YME1L1: variants seen among roughly 807,000 people sequenced by gnomAD.
The protein encoded by YME1L1 is ATP-dependent zinc metalloprotease YME1L1.
YME1L1 carries 39 observed loss-of-function variants against 90.4 expected under a neutral mutation model. The ratio of observed to expected loss-of-function variants is 0.43; its 90% CI spans 0.33 to 0.56. The LOEUF (loss-of-function observed/expected upper bound fraction) is 0.56, where lower values mean the gene tolerates loss of function less well. YME1L1 is among the 20% of genes least tolerant of loss of function. The pLI is 0.03. For synonymous variants in YME1L1, 284 were observed against 287.3 expected (o/e 0.99, Z 0.12); for missense variants, 617 against 868.4 (o/e 0.71, Z 3.64).
chr10:27,139,173 A>G (rs971108823), intron 4 of YME1L1, among the ~76,000 whole-genome samples: 1 of 152,108 alleles, frequency 6.6e-6, no homozygotes, highest in Non-Finnish European at 1.5e-5. Flanking sequence ...GTGTATATAC[A>G]TTCAGACACA....
chr10:27,138,474 C>T (rs2057052041), intron 4 of YME1L1, among the ~76,000 whole-genome samples: 1 of 152,066 alleles, frequency 6.6e-6, no homozygotes, highest in Admixed American at 6.6e-5. Context: ...TTATTTCACT[C>T]AGTTCCTCTT....
At chr10:27,146,610 C>A (rs961702654) in intron 2 of YME1L1, 3 of 152,156 alleles carry the variant, frequency 2.0e-5, no homozygotes, top group Non-Finnish European at 4.4e-5. Flanking sequence ...TATGCACCCG[C>A]AGCACCAGCT....
At chr10:27,153,599 G>A (rs1353743158) in intron 1 of YME1L1, among the ~76,000 whole-genome samples, 1 of 152,172 alleles carries the variant, frequency 6.6e-6, no homozygotes, top group African/African-American at 2.4e-5. Flanking sequence ...AAAACGATGA[G>A]GATGAGGCTG....
chr10:27,111,561 T>TA lies in YME1L1; in HGVS notation c.*415dup, dbSNP rs2056759114. 1 of 232,696 alleles carries TA rather than the reference T, an allele frequency of 4.3e-6. No homozygotes were observed. The highest frequency in any genetic ancestry group is 5.3e-5 in the Admixed American group (1 of 18,704). The allele number at this position is 232,696 out of a possible 1,614,324, so 14.4% of individuals were successfully genotyped here. A position where few individuals can be genotyped will look rare whatever the true frequency, so the allele number is the denominator to read the frequency against. ...AATCCCAACTTCTCTACATTTAGAT[T>TA]AAAAAATATTTTATTCATGGTCAAT... On this transcript the variant is annotated 3_prime_UTR_variant, in exon 19 of 19. Transcript: ENST00000376016.
At position 27,153,626 on chromosome 10, in the gene YME1L1, G is replaced by T. The variant is rs530720671; in HGVS notation, c.33+552C>A. 6.5e-4 allele frequency among the ~76,000 whole-genome samples: 99 copies of T among 152,248 alleles called. 1 individual carries two copies. Among genetic ancestry groups the T allele is most frequent in the African/African-American group, 2.2e-3 (92 of 41,542 alleles). ...ATGAGGCTGAATCAAAATTTTAACT[G>T]CAAACAGTTTACGACTCGGAAATAC... On this transcript the variant is annotated intron_variant, in intron 1 of 18. Transcript: ENST00000376016.
chr10:27,131,163 T>C (rs1013956894), intron 8 of YME1L1, among the ~76,000 whole-genome samples: 39 of 152,330 alleles, frequency 2.6e-4, no homozygotes, highest in African/African-American at 8.4e-4. Context: ...CATTTAAAAC[T>C]GTAAGCCTTC....
intron 6 of YME1L1, among the ~76,000 whole-genome samples, chr10:27,134,603 A>C (rs1406069589): frequency 6.6e-6 from 1 of 152,260 alleles, no homozygotes; most frequent in African/African-American, 2.4e-5. Flanking sequence ...AAAATAAAGA[A>C]ACAAAAACCT....
chr10:27,119,223 G>C, intron 14 of YME1L1, 71 bp downstream of exon 14: 2 of 1,424,706 alleles, frequency 1.4e-6, no homozygotes, highest in South Asian at 2.9e-5. Context: ...TTTGAATAGA[G>C]TATTTGCCCC....
At chr10:27,118,592 C>T (rs2056836757) in intron 14 of YME1L1, among the ~76,000 whole-genome samples, 1 of 152,168 alleles carries the variant, frequency 6.6e-6, no homozygotes, top group South Asian at 2.1e-4. Context: ...GCCCAGTCTA[C>T]AAAGTTTTTT....
intron 1 of YME1L1, 63 bp downstream of exon 1, chr10:27,154,115 G>T (rs1323775864): frequency 6.5e-7 from 1 of 1,548,168 alleles, no homozygotes; most frequent in African/African-American, 1.4e-5. Context: ...TTCCACGAGC[G>T]CAATTTGCAA....
At chr10:27,143,440 C>T (rs1325832269) in intron 3 of YME1L1, among the ~76,000 whole-genome samples, 1 of 151,870 alleles carries the variant, frequency 6.6e-6, no homozygotes, top group Non-Finnish European at 1.5e-5. Flanking sequence ...TGCCTCACGC[C>T]TGTAATCCCA....
intron 18 of YME1L1, 27 bp from the exon 19 acceptor site, chr10:27,112,147 C>T (rs945457269): frequency 6.3e-7 from 1 of 1,587,838 alleles, no homozygotes; most frequent in South Asian, 1.2e-5. Flanking sequence ...GATACGTAAG[C>T]AGCAGCAAAT....
chr10:27,127,081 G>A (rs2056927913), intron 8 of YME1L1, among the ~76,000 whole-genome samples: 1 of 152,178 alleles, frequency 6.6e-6, no homozygotes, highest in South Asian at 2.1e-4. Context: ...TAAAAAGAAA[G>A]TACCTAGAGA....
chr10:27,139,665 G>A (rs556506972), intron 4 of YME1L1, among the ~76,000 whole-genome samples: 1 of 147,658 alleles, frequency 6.8e-6, no homozygotes, highest in East Asian at 1.9e-4. Context: ...TAAACTTCAT[G>A]GTTATTATCC....
Position 27,142,367 on chromosome 10 carries a change from T to C in YME1L1, c.430+20A>G. 7.4e-7 allele frequency: 1 copy of C among 1,350,802 alleles called. No homozygotes were observed. Among genetic ancestry groups the C allele is most frequent in the Non-Finnish European group, 9.9e-7 (1 of 1,014,104 alleles). The allele number at this position is 1,350,802 out of a possible 1,614,324, so 83.7% of individuals were successfully genotyped here. A position where few individuals can be genotyped will look rare whatever the true frequency, so the allele number is the denominator to read the frequency against. On this transcript the variant is annotated intron_variant, in intron 4 of 18. Coordinates refer to ENST00000376016, the MANE Select transcript of YME1L1 (RefSeq NM_014263.4). ...AAATAAATATTTTTTTTTCCACAAT[T>C]TATGGTTGTTGCTTCATACCTGGCC... is the stretch of plus-strand genomic sequence containing the variant.
rs778960693 is a variant in YME1L1, at chr10:27,111,868, T to C, written c.*109A>G. 16 of 1,399,216 alleles carry C rather than the reference T, an allele frequency of 1.1e-5. No homozygotes were observed. The highest frequency in any genetic ancestry group is 1.6e-5 in the Non-Finnish European group (16 of 992,986). 86.7% of individuals were successfully genotyped at this position (1,399,216 alleles called of 1,614,324 possible). On this transcript the variant is annotated 3_prime_UTR_variant, in exon 19 of 19. Transcript: ENST00000376016. ...TGATTGACAAAGCATTTCACACCCTTCAATTACACCACATCAAGAATGAGG... is the reference window on the plus strand; with the variant it reads ...TGATTGACAAAGCATTTCACACCCTCCAATTACACCACATCAAGAATGAGG...
rs1308431973 is a variant in YME1L1 at position 27,154,245 on chromosome 10, C to G, written c.-35G>C. On this transcript the variant is annotated 5_prime_UTR_variant, in exon 1 of 19. Coordinates refer to ENST00000376016, the MANE Select transcript of YME1L1 (RefSeq NM_014263.4). ...GCCCTCAGCGACCTCACCCGCCTGC[C>G]GAAACTGTGCCCCTCTGTCCACGGC... 1 of 1,579,972 alleles carries G rather than the reference C, an allele frequency of 6.3e-7. No homozygotes were observed. Among genetic ancestry groups the G allele is most frequent in the East Asian group, 2.3e-5 (1 of 43,182 alleles).
At position 27,110,644 on chromosome 10, in the gene YME1L1, G is replaced by T. The variant is rs1236558283; in HGVS notation, c.*1333C>A. ...ACACAACTTGGCATTTCTGACGCAG[G>T]GTAACACAAAGTTCACTTCGGAGGG... On this transcript the variant is annotated 3_prime_UTR_variant, in exon 19 of 19. Transcript: ENST00000376016. The T allele has an allele frequency of 6.6e-6, 1 of 152,024 alleles. No individual in the cohort carries two copies. Among genetic ancestry groups the T allele is most frequent in the Non-Finnish European group, 1.5e-5 (1 of 68,012 alleles). The allele number at this position is 152,024 out of a possible 1,614,324, so 9.4% of individuals were successfully genotyped here. A position where few individuals can be genotyped will look rare whatever the true frequency, so the allele number is the denominator to read the frequency against.
chr10:27,115,371 G>C (rs907745711), intron 17 of YME1L1, among the ~76,000 whole-genome samples: 7 of 150,224 alleles, frequency 4.7e-5, no homozygotes, highest in Non-Finnish European at 1.0e-4. Context: ...ACCCAGGGTA[G>C]AGTGCAGTGG....
Sources: gnomAD v4.1 joint callset for allele counts (sites outside exome capture counted in the v4.1 genomes callset) on GRCh38, gnomAD v4.1.1 for gene constraint, MANE v1.5 for transcripts, NCBI Gene and HGNC (gene_info 2026-07-23, HGNC 2026-07-21) for gene names.